Variants in DAW1 observed in about 807,000 individuals in gnomAD.
DAW1 encodes the protein dynein assembly factor with WD repeats 1.
In DAW1, 47 loss-of-function variants were observed where a neutral mutation model predicts 56.5. That is an observed-to-expected ratio of 0.83 (90% CI 0.66 to 1.06). The LOEUF (loss-of-function observed/expected upper bound fraction) is 1.06, where lower values mean the gene tolerates loss of function less well. Among genes scored for constraint, DAW1 ranks in the 50% least tolerant of loss-of-function variants. The pLI is 0.00. For synonymous variants in DAW1, 190 were observed against 179.0 expected (o/e 1.06, Z -0.49); for missense variants, 505 against 499.3 (o/e 1.01, Z -0.11).
intron 4 of DAW1, among the ~76,000 whole-genome samples, chr2:227,891,793 T>A (rs1691272809): frequency 6.6e-6 from 1 of 152,116 alleles, no homozygotes; most frequent in Non-Finnish European, 1.5e-5. Context: ...AAACTAGACA[T>A]AAAATAAGCA....
intron 6 of DAW1, among the ~76,000 whole-genome samples, chr2:227,901,045 T>C (rs1691531220): frequency 6.6e-6 from 1 of 152,194 alleles, no homozygotes; most frequent in Non-Finnish European, 1.5e-5. Context: ...AGCTGTGCTC[T>C]TTGGAAAGAT....
Position 227,871,655 on chromosome 2 carries a change from C to A in DAW1, c.-35C>A. 1 of 1,609,574 alleles carries A rather than the reference C, an allele frequency of 6.2e-7. No homozygotes were observed. The highest frequency in any genetic ancestry group is 8.5e-7 in the Non-Finnish European group (1 of 1,177,904). ...TGCTGTTTAGCCGTTTCCAAGGCTA[C>A]GAAGCCCATCGGCCGGGGATAAGAG... is the stretch of plus-strand genomic sequence containing the variant. On this transcript the variant is annotated 5_prime_UTR_variant, in exon 1 of 13. Coordinates refer to ENST00000309931, the MANE Select transcript of DAW1 (RefSeq NM_178821.3).
chr2:227,885,203 G>T (rs886149344), intron 1 of DAW1, 148 bp from the exon 2 acceptor site: 2 of 504,354 alleles, frequency 4.0e-6, no homozygotes, highest in Non-Finnish European at 6.9e-6. Flanking sequence ...ACATGATCTT[G>T]TTTTGGAACT....
intron 10 of DAW1, among the ~76,000 whole-genome samples, chr2:227,914,610 C>T (rs1691908456): frequency 6.6e-6 from 1 of 151,920 alleles, no homozygotes; most frequent in Non-Finnish European, 1.5e-5. Context: ...ATGTCATCCC[C>T]CTTATGCCCA....
chr2:227,884,641 T>TCAC (rs1691080805), intron 1 of DAW1, among the ~76,000 whole-genome samples: 1 of 152,184 alleles, frequency 6.6e-6, no homozygotes, highest in Non-Finnish European at 1.5e-5. Flanking sequence ...AGGCCTGCTG[T>TCAC]CACTGAGTGG....
intron 1 of DAW1, among the ~76,000 whole-genome samples, chr2:227,875,513 G>C (rs1436695051): frequency 6.6e-6 from 1 of 152,178 alleles, no homozygotes; most frequent in African/African-American, 2.4e-5. Flanking sequence ...GGTGTTCCTT[G>C]AATGGGGCAG....
intron 1 of DAW1, among the ~76,000 whole-genome samples, chr2:227,878,931 G>A (rs1466751439): frequency 1.3e-5 from 2 of 151,722 alleles, no homozygotes; most frequent in Admixed American, 6.6e-5. Flanking sequence ...GGGATTACAG[G>A]CATGCCACCA....
chr2:227,921,620 A>G, intron 12 of DAW1, 59 bp downstream of exon 12: 1 of 1,548,524 alleles, frequency 6.5e-7, no homozygotes, highest in Non-Finnish European at 8.8e-7. Context: ...TAGAGTTCCC[A>G]AGCTGAATAC....
chr2:227,909,792 G>T (rs1051641933), intron 10 of DAW1, among the ~76,000 whole-genome samples: 1 of 152,128 alleles, frequency 6.6e-6, no homozygotes, highest in African/African-American at 2.4e-5. Context: ...ACCTTTTGTT[G>T]TATCTGGGTC....
In DAW1 at chr2:227,907,467, A is replaced by G. The variant is rs1691713666; in HGVS notation, c.973+215A>G. ...TTATGCAATGTCTGTGTCACCTCCT[A>G]CATAACGAGGTATATGAGGTCTTTG... is the stretch of plus-strand genomic sequence containing the variant. On this transcript the variant is annotated intron_variant, in intron 10 of 12. Transcript: ENST00000309931. Among the ~76,000 whole-genome samples the G allele has an allele frequency of 3.3e-5, 5 of 152,130 alleles. No individual in the cohort carries two copies. The South Asian group carries it at 1.0e-3, about 31-fold the overall frequency.
intron 7 of DAW1, among the ~76,000 whole-genome samples, chr2:227,904,388 A>G (rs1376051092): frequency 2.0e-5 from 3 of 152,178 alleles, no homozygotes; most frequent in Non-Finnish European, 4.4e-5. Flanking sequence ...CCATTATCTT[A>G]CAGTTTGATT....
At chr2:227,904,765 C>T (rs1298004164) in intron 7 of DAW1, among the ~76,000 whole-genome samples, 164 bp from the exon 8 acceptor site, 2 of 152,174 alleles carry the variant, frequency 1.3e-5, no homozygotes, top group Non-Finnish European at 2.9e-5. Flanking sequence ...AAAAAGAACC[C>T]TGTGCCCACG....
chr2:227,879,098 A>T (rs1482212357), intron 1 of DAW1, among the ~76,000 whole-genome samples: 1 of 152,064 alleles, frequency 6.6e-6, no homozygotes, highest in Non-Finnish European at 1.5e-5. Context: ...TCTTACTTTT[A>T]TAAAATATTT....
chr2:227,920,242 G>A (rs1003193813), intron 11 of DAW1, among the ~76,000 whole-genome samples: 2 of 152,162 alleles, frequency 1.3e-5, no homozygotes, highest in Admixed American at 6.5e-5. Context: ...TTGGCATCTG[G>A]TAAGGGCATT....
At chr2:227,890,684 G>A (rs913120885) in intron 3 of DAW1, among the ~76,000 whole-genome samples, 8 of 152,176 alleles carry the variant, frequency 5.3e-5, no homozygotes, top group African/African-American at 1.9e-4. Flanking sequence ...TCTTTGTCCA[G>A]TAGGTGGCAC....
chr2:227,874,834 G>A (rs1217549867), intron 1 of DAW1, among the ~76,000 whole-genome samples: 10 of 151,954 alleles, frequency 6.6e-5, no homozygotes, highest in Non-Finnish European at 2.9e-5. Context: ...GTGGTGGTGC[G>A]GGTCTGTAAT....
At chr2:227,896,166 T>C (rs1022831394) in intron 5 of DAW1, among the ~76,000 whole-genome samples, 3 of 152,228 alleles carry the variant, frequency 2.0e-5, no homozygotes, top group Admixed American at 6.5e-5. Flanking sequence ...TCTATGCATT[T>C]TTATATTCCA....
chr2:227,906,673 T>C (rs1239913741), intron 9 of DAW1, among the ~76,000 whole-genome samples: 1 of 152,210 alleles, frequency 6.6e-6, no homozygotes, highest in Non-Finnish European at 1.5e-5. Flanking sequence ...TCCTTGTCCC[T>C]AAGTTTCTAT....
chr2:227,920,278 T>A (rs1692073363), intron 11 of DAW1, among the ~76,000 whole-genome samples: 1 of 152,210 alleles, frequency 6.6e-6, no homozygotes, highest in African/African-American at 2.4e-5. Context: ...GCTAAAGTAT[T>A]CACTCATTCA....
Sources: allele counts gnomAD v4.1 joint callset (sites outside exome capture counted in the v4.1 genomes callset), GRCh38; gene constraint gnomAD v4.1.1; transcripts MANE v1.5; gene names NCBI Gene and HGNC (gene_info 2026-07-23, HGNC 2026-07-21).